Variants in MIDEAS observed in about 807,000 individuals in gnomAD.
The protein encoded by MIDEAS is mitotic deacetylase associated SANT domain protein, also known as mitotic deacetylase-associated SANT domain protein.
In MIDEAS, 26 loss-of-function variants were observed where a neutral mutation model predicts 102.7. That is an observed-to-expected ratio of 0.25 (90% confidence interval 0.19 to 0.35). The LOEUF is 0.35. MIDEAS is among the 10% of genes least tolerant of loss of function. The pLI is 1.00. For synonymous variants in MIDEAS, 585 were observed against 591.0 expected, an observed-to-expected ratio of 0.99 and a Z score of 0.15; for missense variants, 1,231 against 1,435.6, an observed-to-expected ratio of 0.86 and a Z score of 2.30.
rs757451242 is a variant in MIDEAS at position 73,737,095 on chromosome 14, C to CCGTCCT, written c.1646_1651dup (p.Glu549_Asp550dup). ...AGCAGGGTTCTGTTCAGGACCCTTCCCGTCCTCATCAAGACCTCCAGCCTG... is the reference window on the plus strand; with the variant it reads ...AGCAGGGTTCTGTTCAGGACCCTTCCCGTCCTCGTCCTCATCAAGACCTCCAGCCTG... On this transcript the variant is annotated inframe_insertion, in exon 3 of 13. Transcript: ENST00000423556. 61 of 1,614,106 alleles carry CCGTCCT rather than the reference C, an allele frequency of 3.8e-5. No homozygotes were observed. The East Asian group carries it at 1.2e-3, about 33-fold the overall frequency.
Position 73,725,160 on chromosome 14 carries a change from G to C in MIDEAS, c.2574+112C>G. 1.3e-6 allele frequency: 1 copy of C among 783,978 alleles called. No homozygotes were observed. The highest frequency in any genetic ancestry group is 1.8e-5 in the Admixed American group (1 of 55,046). The allele number at this position is 783,978 out of a possible 1,614,324, so 48.6% of individuals were successfully genotyped here. On this transcript the variant is annotated intron_variant, in intron 9 of 12. Coordinates refer to ENST00000423556, the MANE Select transcript of MIDEAS (RefSeq NM_001367710.1). The surrounding 1 kb of genome is among the most constrained non-coding windows in gnomAD (Gnocchi z 4.1). Reference sequence around the variant, plus strand: ...AGGAAATTCTCTCTGAGGCTACTCAGTAGCATTGACCTGACTGCTTTTTAA... The same window carrying C: ...AGGAAATTCTCTCTGAGGCTACTCACTAGCATTGACCTGACTGCTTTTTAA...
rs750929162 is a variant in MIDEAS, at chr14:73,739,233, T to C, written c.776A>G (p.Gln259Arg). The C allele has an allele frequency of 6.5e-5, 104 of 1,612,320 alleles. No homozygotes were observed. The highest frequency in any genetic ancestry group is 8.6e-5 in the Non-Finnish European group (102 of 1,179,538). Reference sequence around the variant, plus strand: ...CTGGGGTAGGGCTGCCTGCTGCTGCTGCTGCTGCTGCTGTGGTTGCTGCTG... The same window carrying C: ...CTGGGGTAGGGCTGCCTGCTGCTGCCGCTGCTGCTGCTGTGGTTGCTGCTG... ...QQQQQPQQQQ[Q>R]QQQAALPQMP... Residue 259 changes from glutamine to arginine, a missense_variant, in exon 2 of 13, where the codon CAG becomes CGG. Physicochemically the swap from Gln to Arg is conservative, Grantham distance 43. This residue lies in a region of MIDEAS where 758 missense variants were observed against 856.0 expected (regional missense o/e 0.89). Transcript: ENST00000423556.
At chr14:73,786,266 T>G (rs780187522) in intron 1 of MIDEAS, among the ~76,000 whole-genome samples, 1 of 152,202 alleles carries the variant, frequency 6.6e-6, no homozygotes, top group Non-Finnish European at 1.5e-5. Flanking sequence ...TAAAAAACCC[T>G]GCGCCACGAG....
intron 7 of MIDEAS, 148 bp downstream of exon 7, chr14:73,726,456 G>T: frequency 2.7e-6 from 2 of 744,718 alleles, no homozygotes; most frequent in Non-Finnish European, 4.3e-6. Context: ...GGGCTCCCTT[G>T]GGTCAAGCCC....
chr14:73,766,985 A>G (rs1349348344), intron 1 of MIDEAS, among the ~76,000 whole-genome samples: 1 of 150,442 alleles, frequency 6.6e-6, no homozygotes, highest in Non-Finnish European at 1.5e-5. Flanking sequence ...CCTCCCAAGT[A>G]GCTGGGATTA....
At chr14:73,719,163 C>T (rs941035317) in intron 12 of MIDEAS, 142 bp downstream of exon 12, 1 of 1,477,842 alleles carries the variant, frequency 6.8e-7, no homozygotes, top group East Asian at 2.5e-5. Flanking sequence ...CCCATGACGT[C>T]ACAGCCCTAG....
Position 73,742,339 on chromosome 14 carries a change from C to T in MIDEAS, c.-247-2084G>A, listed in dbSNP as rs1468517768. On this transcript the variant is annotated intron_variant, in intron 1 of 12. Coordinates refer to ENST00000423556, the MANE Select transcript of MIDEAS (RefSeq NM_001367710.1). This position sits in a 1 kb window ranked among gnomAD's most constrained non-coding sequence, Gnocchi z 4.4. ...GAGGCCTGGAGCAAGGGAAGGTCCACGTGGCGGGTGGGCCTGGATGCACGT... is the reference window on the plus strand; with the variant it reads ...GAGGCCTGGAGCAAGGGAAGGTCCATGTGGCGGGTGGGCCTGGATGCACGT... Among the ~76,000 whole-genome samples the T allele has an allele frequency of 2.0e-5, 3 of 152,228 alleles. No individual in the cohort carries two copies. The highest frequency in any genetic ancestry group is 4.4e-5 in the Non-Finnish European group (3 of 68,048).
At position 73,742,476 on chromosome 14, in the gene MIDEAS, G is replaced by A. The variant is rs1322263723; in HGVS notation, c.-247-2221C>T. On this transcript the variant is annotated intron_variant, in intron 1 of 12. Coordinates refer to ENST00000423556, the MANE Select transcript of MIDEAS (RefSeq NM_001367710.1). This position sits in a 1 kb window ranked among gnomAD's most constrained non-coding sequence, Gnocchi z 4.4. ...CAAGCCTGCTTCTGCCCAGGGCAGG[G>A]GCCAGAGGCCAGATGCAGGTCTTAC... 2.6e-5 allele frequency among the ~76,000 whole-genome samples: 4 copies of A among 152,332 alleles called. No individual in the cohort carries two copies. Among genetic ancestry groups the A allele is most frequent in the African/African-American group, 7.2e-5 (3 of 41,574 alleles).
intron 1 of MIDEAS, among the ~76,000 whole-genome samples, chr14:73,744,873 G>A (rs536755974): frequency 1.2e-4 from 19 of 152,158 alleles, no homozygotes; most frequent in Admixed American, 2.6e-4. Context: ...TGACCCCAGA[G>A]CTGAGACAGG....
rs775623041 is a variant in MIDEAS, at chr14:73,729,690, G to C, written c.2045C>G (p.Ala682Gly). Residue 682 changes from alanine to glycine, a missense_variant, in exon 4 of 13, where the codon GCC becomes GGC. Ala to Gly is a moderately conservative substitution (Grantham distance 60, BLOSUM62 0). Coordinates refer to ENST00000423556, the MANE Select transcript of MIDEAS (RefSeq NM_001367710.1). The stretch of plus-strand genomic sequence containing the variant: ...ACTCTTAGGCGTGATGGGAGGAGGG[G>C]CAGGGATGGTGCTGGTTGATATGAT... ...NAIISTSTIP[A>G]PPPITPKSAH... is the part of the protein sequence containing the mutation. 6.2e-7 allele frequency: 1 copy of C among 1,613,848 alleles called. No individual in the cohort carries two copies. The highest frequency in any genetic ancestry group is 1.7e-5 in the Admixed American group (1 of 60,034).
At chr14:73,785,592 A>T (rs2053799612) in intron 1 of MIDEAS, among the ~76,000 whole-genome samples, 1 of 152,194 alleles carries the variant, frequency 6.6e-6, no homozygotes, top group African/African-American at 2.4e-5. Flanking sequence ...CAGCTCAGTC[A>T]CACATGGTCT....
intron 1 of MIDEAS, among the ~76,000 whole-genome samples, chr14:73,754,384 A>C (rs1486950518): frequency 6.6e-6 from 1 of 152,214 alleles, no homozygotes; most frequent in East Asian, 1.9e-4. Context: ...ACATGCAAAC[A>C]AATAAATAAC....
chr14:73,771,341 C>G (rs2053640285), intron 1 of MIDEAS, among the ~76,000 whole-genome samples: 2 of 152,230 alleles, frequency 1.3e-5, no homozygotes, highest in Non-Finnish European at 2.9e-5. Context: ...AGAGCTTCAG[C>G]AGGCTCCAAC....
Position 73,715,221 on chromosome 14 carries a change from T to C in MIDEAS, c.*3622A>G, listed in dbSNP as rs1337810922. The C allele has an allele frequency of 1.3e-5, 2 of 152,660 alleles. No homozygotes were observed. Among genetic ancestry groups the C allele is most frequent in the South Asian group, 2.1e-4 (1 of 4,832 alleles). The allele number at this position is 152,660 out of a possible 1,614,324, so 9.5% of individuals were successfully genotyped here. ...GTACATTACAATCACATCAGCAAGA[T>C]TCTTTAGTGTATTAATTTTTTTCTT... On this transcript the variant is annotated 3_prime_UTR_variant, in exon 13 of 13. Coordinates refer to ENST00000423556, the MANE Select transcript of MIDEAS (RefSeq NM_001367710.1).
chr14:73,769,113 C>T (rs1015789920), intron 1 of MIDEAS, among the ~76,000 whole-genome samples: 1 of 152,250 alleles, frequency 6.6e-6, no homozygotes, highest in Non-Finnish European at 1.5e-5. Context: ...CCCAGGGTCT[C>T]CCTCGCATCT....
At chr14:73,741,154 G>A (rs2053276518) in intron 1 of MIDEAS, among the ~76,000 whole-genome samples, 1 of 152,210 alleles carries the variant, frequency 6.6e-6, no homozygotes, top group Admixed American at 6.5e-5. Flanking sequence ...AACTCAGATC[G>A]TAGAGGGTGC....
At chr14:73,722,455 G>GA (rs1472729899) in intron 10 of MIDEAS, 3 of 357,696 alleles carry the variant, frequency 8.4e-6, no homozygotes, top group Admixed American at 4.4e-5. Flanking sequence ...ATAGGAAGAT[G>GA]ATGCTGGTGT....
At chr14:73,744,637 A>G (rs1485703309) in intron 1 of MIDEAS, among the ~76,000 whole-genome samples, 1 of 152,236 alleles carries the variant, frequency 6.6e-6, no homozygotes, top group South Asian at 2.1e-4. Context: ...CTGTCTTAGG[A>G]CAAAGTCTAA....
At chr14:73,720,679 G>A (rs2052977514) in intron 11 of MIDEAS, among the ~76,000 whole-genome samples, 1 of 152,186 alleles carries the variant, frequency 6.6e-6, no homozygotes, top group Non-Finnish European at 1.5e-5. Flanking sequence ...CTTGTTTCTT[G>A]GCCTGTGATA....
Sources: allele counts gnomAD v4.1 joint callset (sites outside exome capture counted in the v4.1 genomes callset), GRCh38; gene constraint gnomAD v4.1.1; regional missense constraint gnomAD v4.1.1; non-coding constraint Gnocchi (gnomAD v3.1); transcripts MANE v1.5; gene names NCBI Gene and HGNC (gene_info 2026-07-23, HGNC 2026-07-21).